Variants in CEACAM5 observed in about 807,000 individuals in gnomAD.
The protein encoded by CEACAM5 is CEA cell adhesion molecule 5.
CEACAM5 carries 52 observed loss-of-function variants against 63.0 expected under a neutral mutation model. That is an observed-to-expected ratio of 0.83 (90% CI 0.66 to 1.04). The LOEUF is 1.04. CEACAM5 is among the 50% of genes least tolerant of loss of function. The pLI is 0.00. For missense variants in CEACAM5, 790 were observed against 864.8 expected (o/e 0.91, Z 1.08); for synonymous variants, 357 against 351.3 (o/e 1.02, Z -0.18).
rs782743195 is a variant in CEACAM5 at position 41,715,648 on chromosome 19, A to G, written c.704-2A>G. 4 of 1,614,050 alleles carry G rather than the reference A, an allele frequency of 2.5e-6. No homozygotes were observed. Among genetic ancestry groups the G allele is most frequent in the Non-Finnish European group, 3.4e-6 (4 of 1,180,034 alleles). ...CCTGTGGCTTTATTTTGTTTGCTCC[A>G]GATGGCCCGGATGCCCCCACCATTT... On this transcript the variant is annotated splice_acceptor_variant, in intron 3 of 9. Coordinates refer to ENST00000221992, the MANE Select transcript of CEACAM5 (RefSeq NM_004363.6). LOFTEE classifies it high-confidence loss of function.
chr19:41,716,132 C>G (rs1419439070), intron 4 of CEACAM5, among the ~76,000 whole-genome samples: 1 of 152,158 alleles, frequency 6.6e-6, no homozygotes, highest in Non-Finnish European at 1.5e-5. Context: ...GGAGGAGGCT[C>G]CCTCAGCCCC....
At chr19:41,712,749 A>G (rs535097858) in intron 2 of CEACAM5, among the ~76,000 whole-genome samples, 2 of 152,334 alleles carry the variant, frequency 1.3e-5, no homozygotes, top group South Asian at 2.1e-4. Context: ...CATAATATTA[A>G]AAGAAGTACT....
chr19:41,719,985 G>A lies in CEACAM5; in HGVS notation c.1548G>A (p.Lys516=), dbSNP rs201069007. 174 of 1,614,238 alleles carry A rather than the reference G, an allele frequency of 1.1e-4. No individual in the cohort carries two copies. In the East Asian group the frequency reaches 3.8e-3, roughly 36 times the overall value. ...SSNNSKPVED[K]DAVAFTCEPE... The stretch of plus-strand genomic sequence containing the variant: ...ACAACTCCAAACCCGTGGAGGACAA[G>A]GATGCTGTGGCCTTCACCTGTGAAC... Residue 516 remains lysine (K), a synonymous_variant, in exon 7 of 10, where the codon AAG becomes AAA. Transcript: ENST00000221992.
Position 41,717,645 on chromosome 19 carries a change from C to T in CEACAM5, c.1149C>T (p.Val383=), listed in dbSNP as rs528850947. ...NDNRTLTLLS[V]TRNDVGPYEC... ...ACAGGACCCTCACTCTACTCAGTGT[C>T]ACAAGGAATGATGTAGGACCCTATG... Residue 383 remains valine (V), a synonymous_variant, in exon 5 of 10, where the codon GTC becomes GTT. Transcript: ENST00000221992. The T allele has an allele frequency of 6.2e-7, 1 of 1,614,224 alleles. No homozygotes were observed. Among genetic ancestry groups the T allele is most frequent in the Admixed American group, 1.7e-5 (1 of 60,024 alleles).
At chr19:41,710,754 G>A (rs1030862253) in intron 2 of CEACAM5, among the ~76,000 whole-genome samples, 6 of 152,172 alleles carry the variant, frequency 3.9e-5, no homozygotes, top group Admixed American at 6.5e-5. Flanking sequence ...AGATGCTCCC[G>A]GCAGCTCCTT....
chr19:41,717,912 G>A lies in CEACAM5; in HGVS notation c.1237+179G>A, dbSNP rs11083638. 0.023 allele frequency among the ~76,000 whole-genome samples: 3,543 copies of A among 152,274 alleles called. 130 individuals are homozygous for A. Among genetic ancestry groups the A allele is most frequent in the African/African-American group, 0.08 (3,311 of 41,544 alleles). ...AGTCCTGACCAAGAATAGGAGGGGAGGGTCTGCTCCTGTCCTGTAACACTC... is the reference window on the plus strand; with the variant it reads ...AGTCCTGACCAAGAATAGGAGGGGAAGGTCTGCTCCTGTCCTGTAACACTC... On this transcript the variant is annotated intron_variant, in intron 5 of 9. Coordinates refer to ENST00000221992, the MANE Select transcript of CEACAM5 (RefSeq NM_004363.6).
At chr19:41,717,227 A>G (rs1383607865) in intron 4 of CEACAM5, among the ~76,000 whole-genome samples, 2 of 152,220 alleles carry the variant, frequency 1.3e-5, no homozygotes, top group Non-Finnish European at 2.9e-5. Flanking sequence ...GCTACTGCCC[A>G]ATTCACACTT....
At chr19:41,722,340 G>T (rs868935229) in intron 8 of CEACAM5, among the ~76,000 whole-genome samples, 101 of 149,006 alleles carry the variant, frequency 6.8e-4, no homozygotes, top group African/African-American at 2.5e-3. Flanking sequence ...CTCCAGCCTG[G>T]GTGACAGAGT....
chr19:41,726,709 T>C (rs1383140025), intron 8 of CEACAM5, among the ~76,000 whole-genome samples: 1 of 152,176 alleles, frequency 6.6e-6, no homozygotes, highest in Admixed American at 6.5e-5. Context: ...TCCACAAGGC[T>C]GGTGGGGCGT....
intron 2 of CEACAM5, among the ~76,000 whole-genome samples, chr19:41,713,016 C>A (rs557270857): frequency 1.3e-5 from 2 of 152,144 alleles, no homozygotes; most frequent in Non-Finnish European, 2.9e-5. Context: ...AAAAGAAATG[C>A]TCACTGAAGG....
chr19:41,711,952 A>G (rs1414197230), intron 2 of CEACAM5, among the ~76,000 whole-genome samples: 2 of 152,204 alleles, frequency 1.3e-5, no homozygotes, highest in Non-Finnish European at 2.9e-5. Flanking sequence ...GCCAGGCTCC[A>G]TCACAAGCCA....
chr19:41,721,048 C>G lies in CEACAM5; in HGVS notation c.1898C>G (p.Pro633Arg). The G allele has an allele frequency of 1.2e-6, 2 of 1,614,166 alleles. No homozygotes were observed. The highest frequency in any genetic ancestry group is 1.7e-6 in the Non-Finnish European group (2 of 1,180,044). ...TATTCTTGGCGTATCAATGGGATACCGCAGCAACACACACAAGTTCTCTTT... is the reference window on the plus strand; with the variant it reads ...TATTCTTGGCGTATCAATGGGATACGGCAGCAACACACACAAGTTCTCTTT... ...PQYSWRINGI[P>R]QQHTQVLFIA... Residue 633 changes from proline to arginine, a missense_variant, in exon 8 of 10, where the codon CCG becomes CGG. Physicochemically the swap from Pro to Arg is moderately radical, Grantham distance 103 (BLOSUM62 -2). Coordinates refer to ENST00000221992, the MANE Select transcript of CEACAM5 (RefSeq NM_004363.6).
At position 41,709,975 on chromosome 19, in the gene CEACAM5, C is replaced by T. The variant is rs149301273; in HGVS notation, c.360C>T (p.Tyr120=). 285 of 1,613,636 alleles carry T rather than the reference C, an allele frequency of 1.8e-4. No individual in the cohort carries two copies. In the African/African-American group the frequency reaches 3.4e-3, roughly 19 times the overall value. The change falls in exon 2 of 10, where the codon TAC becomes TAT. Residue 120 remains tyrosine, a synonymous_variant. Coordinates refer to ENST00000221992, the MANE Select transcript of CEACAM5 (RefSeq NM_004363.6). ...QNIIQNDTGF[Y]TLHVIKSDLV... is the part of the protein sequence containing the mutation. ...TCATCCAGAATGACACAGGATTCTA[C>T]ACCCTACACGTCATAAAGTCAGATC...
intron 2 of CEACAM5, among the ~76,000 whole-genome samples, chr19:41,710,938 A>G (rs2072426106): frequency 6.6e-6 from 1 of 152,202 alleles, no homozygotes; most frequent in African/African-American, 2.4e-5. Context: ...ATTGAAAGGA[A>G]ATTGAGGCAC....
intron 4 of CEACAM5, 78 bp downstream of exon 4, chr19:41,715,982 A>G (rs1193934230): frequency 6.5e-7 from 1 of 1,532,696 alleles, no homozygotes; most frequent in African/African-American, 1.4e-5. Context: ...CCAGGAAGAC[A>G]TTTTCTATCC....
At chr19:41,724,052 A>T (rs2072665121) in intron 8 of CEACAM5, among the ~76,000 whole-genome samples, 2 of 152,082 alleles carry the variant, frequency 1.3e-5, no homozygotes, top group Non-Finnish European at 2.9e-5. Context: ...GTGAAATTAA[A>T]TGTCATTAAG....
chr19:41,714,962 T>C lies in CEACAM5; in HGVS notation c.425-9T>C, dbSNP rs782657555. The C allele has an allele frequency of 1.4e-5, 22 of 1,614,040 alleles. No individual in the cohort carries two copies. In the South Asian group the frequency reaches 2.1e-4, roughly 15 times the overall value. ...ACACAGGGCAATCTTCTCTCTGTTA[T>C]CTGCACAGCGGAGCTGCCCAAGCCC... On this transcript the variant is annotated splice_polypyrimidine_tract_variant and intron_variant, in intron 2 of 9. Coordinates refer to ENST00000221992, the MANE Select transcript of CEACAM5 (RefSeq NM_004363.6).
At position 41,728,530 on chromosome 19, in the gene CEACAM5, C is replaced by G. The variant is rs145206834; in HGVS notation, c.*37-654C>G. 5.4e-3 allele frequency among the ~76,000 whole-genome samples: 827 copies of G among 152,256 alleles called. 15 individuals are homozygous for G. Among genetic ancestry groups the G allele is most frequent in the African/African-American group, 0.019 (777 of 41,550 alleles). ...GTTTTTCTGGCTGGGCACGGTGGCT[C>G]ACGCCTATAATCCCAGCACTTTGGG... On this transcript the variant is annotated intron_variant, in intron 9 of 9. Transcript: ENST00000221992.
intron 8 of CEACAM5, among the ~76,000 whole-genome samples, chr19:41,723,363 T>A (rs987100137): frequency 3.3e-5 from 5 of 152,200 alleles, no homozygotes; most frequent in African/African-American, 1.2e-4. Context: ...TCCTGATGTG[T>A]GTGAGGTGGA....
Sources: allele counts gnomAD v4.1 joint callset (sites outside exome capture counted in the v4.1 genomes callset), GRCh38; gene constraint gnomAD v4.1.1; transcripts MANE v1.5; gene names NCBI Gene and HGNC (gene_info 2026-07-23, HGNC 2026-07-21).